Variants in PCNX2 observed in about 807,000 individuals in gnomAD.
PCNX2 encodes pecanex-like protein 2.
A neutral mutation model predicts 223.8 loss-of-function variants in PCNX2; 168 were observed. The observed-to-expected ratio is 0.75, with a 90% CI of 0.66 to 0.85. PCNX2 has a LOEUF of 0.85. Ranked by LOEUF, PCNX2 falls within the 40% of genes least tolerant of loss-of-function variation. The pLI is 0.00. For missense variants in PCNX2, 2,507 were observed against 2,675.5 expected (o/e 0.94, Z 1.39); for synonymous variants, 1,006 against 1,052.6 (o/e 0.96, Z 0.86).
At chr1:233,165,541 T>C (rs928514319) in intron 17 of PCNX2, among the ~76,000 whole-genome samples, 2 of 152,196 alleles carry the variant, frequency 1.3e-5, no homozygotes, top group Non-Finnish European at 2.9e-5. Context: ...TATCTAATTG[T>C]GGTTTTAATT....
intron 8 of PCNX2, among the ~76,000 whole-genome samples, chr1:233,247,356 A>G (rs1392768218): frequency 6.6e-6 from 1 of 152,208 alleles, no homozygotes; most frequent in Non-Finnish European, 1.5e-5. Context: ...TATCTTAAGG[A>G]CTAACTATAC....
At position 233,258,318 on chromosome 1, in the gene PCNX2, T is replaced by C. The variant is rs1572163485; in HGVS notation, c.1544A>G (p.Asp515Gly). Residue 515 changes from aspartate (D) to glycine (G), a missense_variant, in exon 5 of 34, where the codon GAC becomes GGC. Physicochemically the swap from Asp to Gly is moderately conservative, Grantham distance 94. Around this residue, in one of 3 missense-constraint regions of PCNX2, gnomAD observed 1,031 missense variants for 1,021.7 expected, o/e 1.01. Coordinates refer to ENST00000258229, the MANE Select transcript of PCNX2 (RefSeq NM_014801.4). ...KVGKEGQTNL[D>G]PSSCKSSHEK... ...ATGGCTGGACTTACAAGACGATGGG[T>C]CAAGGTTAGTCTGGCCTTCCTTCCC... 6.2e-7 allele frequency: 1 copy of C among 1,613,786 alleles called. No homozygotes were observed. Among genetic ancestry groups the C allele is most frequent in the African/African-American group, 1.3e-5 (1 of 74,888 alleles).
At chr1:233,218,727 G>C (rs903053165) in intron 10 of PCNX2, among the ~76,000 whole-genome samples, 1 of 151,966 alleles carries the variant, frequency 6.6e-6, no homozygotes, top group Non-Finnish European at 1.5e-5. Context: ...TGTTATTGAA[G>C]CAAATAAAAT....
chr1:232,995,582 AG>A (rs1440119824), intron 32 of PCNX2, among the ~76,000 whole-genome samples: 3 of 152,094 alleles, frequency 2.0e-5, no homozygotes, highest in African/African-American at 7.2e-5. Flanking sequence ...TGGGGGGTGA[AG>A]GGGGGAAACC....
At chr1:233,130,306 C>T (rs1350721179) in intron 21 of PCNX2, among the ~76,000 whole-genome samples, 1 of 152,020 alleles carries the variant, frequency 6.6e-6, no homozygotes, top group African/African-American at 2.4e-5. Context: ...CCTACCCCCT[C>T]AACCCCCCCA....
chr1:233,118,504 A>C (rs1675559996), intron 21 of PCNX2, among the ~76,000 whole-genome samples: 3 of 151,726 alleles, frequency 2.0e-5, no homozygotes, highest in South Asian at 2.1e-4. Context: ...AAAAAAAAAA[A>C]AAAAAAACCC....
chr1:233,245,454 A>AGT (rs60488905), intron 8 of PCNX2, among the ~76,000 whole-genome samples: 12,533 of 152,208 alleles, frequency 0.082, 1,331 homozygotes, highest in African/African-American at 0.25. Flanking sequence ...AGGAGCCTGC[A>AGT]GGGAATCACC....
intron 23 of PCNX2, among the ~76,000 whole-genome samples, chr1:233,061,038 T>C (rs1672388385): frequency 6.6e-6 from 1 of 152,216 alleles, no homozygotes; most frequent in Non-Finnish European, 1.5e-5. Flanking sequence ...AAAGTAATTT[T>C]CTATATTGAT....
chr1:233,273,248 A>C (rs530003372), intron 1 of PCNX2, among the ~76,000 whole-genome samples: 35 of 152,144 alleles, frequency 2.3e-4, no homozygotes, highest in African/African-American at 6.7e-4. Flanking sequence ...GAACAGTGAG[A>C]TGAAAATGAG....
intron 4 of PCNX2, chr1:233,260,019 A>G (rs879457279): frequency 1.4e-4 from 27 of 194,622 alleles, no homozygotes; most frequent in Middle Eastern, 2.7e-3. Context: ...GCTGTTTTAT[A>G]TAAGAGACGT....
intron 19 of PCNX2, among the ~76,000 whole-genome samples, chr1:233,148,663 A>G (rs61159647): frequency 0.022 from 3,278 of 152,204 alleles, 100 homozygotes; most frequent in African/African-American, 0.074. Flanking sequence ...TGGCCTCCCA[A>G]AATGCTGGGA....
chr1:233,044,304 A>G (rs1671750075), intron 25 of PCNX2, among the ~76,000 whole-genome samples: 1 of 152,122 alleles, frequency 6.6e-6, no homozygotes, highest in Non-Finnish European at 1.5e-5. Context: ...GATTCTGGAT[A>G]TTAGCCCTTT....
intron 1 of PCNX2, among the ~76,000 whole-genome samples, chr1:233,266,767 G>A (rs1328601142): frequency 6.6e-6 from 1 of 152,144 alleles, no homozygotes; most frequent in African/African-American, 2.4e-5. Context: ...AGTTAACAAT[G>A]GGAGGCAACA....
At chr1:233,317,916 T>C in the PCNX2 span, among the ~76,000 whole-genome samples, 69 of 152,362 alleles carry the variant, frequency 4.5e-4, 1 homozygote, top group African/African-American at 1.6e-3. Context: ...TTGGAGTCCA[T>C]GTCTTCCTGC....
chr1:233,084,304 A>G (rs1673496068), intron 23 of PCNX2, among the ~76,000 whole-genome samples: 1 of 152,248 alleles, frequency 6.6e-6, no homozygotes, highest in Non-Finnish European at 1.5e-5. Context: ...TGAGAAAGGC[A>G]GGTCCAAGGA....
At chr1:233,269,674 A>G (rs12122394) in intron 1 of PCNX2, among the ~76,000 whole-genome samples, 15,088 of 152,248 alleles carry the variant, frequency 0.099, 915 homozygotes, top group South Asian at 0.19. Flanking sequence ...AAATAATTTG[A>G]AAAATGTTTT....
At chr1:233,124,269 A>T (rs1360670287) in intron 21 of PCNX2, among the ~76,000 whole-genome samples, 5 of 152,186 alleles carry the variant, frequency 3.3e-5, no homozygotes, top group African/African-American at 4.8e-5. Flanking sequence ...TATGAAGAAC[A>T]CTAGGCCTTA....
chr1:233,107,518 T>C (rs1292809843), intron 21 of PCNX2, among the ~76,000 whole-genome samples: 1 of 152,232 alleles, frequency 6.6e-6, no homozygotes, highest in African/African-American at 2.4e-5. Flanking sequence ...GTTTCAATTT[T>C]GAGTTGTATT....
intron 8 of PCNX2, 60 bp downstream of exon 8, chr1:233,250,679 C>T: frequency 1.7e-5 from 26 of 1,511,444 alleles, no homozygotes; most frequent in Non-Finnish European, 2.3e-5. Flanking sequence ...ACTTTATCTT[C>T]ATCGCTGTGT....
Sources: gnomAD v4.1 joint callset for allele counts (sites outside exome capture counted in the v4.1 genomes callset) on GRCh38, gnomAD v4.1.1 for gene constraint, gnomAD v4.1.1 regional missense constraint, MANE v1.5 for transcripts, NCBI Gene and HGNC (gene_info 2026-07-23, HGNC 2026-07-21) for gene names.